ZNF804A: variants seen among roughly 807,000 people sequenced by gnomAD.
The protein encoded by ZNF804A is zinc finger protein 804A.
In ZNF804A, 2 loss-of-function variants were observed where a neutral mutation model predicts 16.5. The ratio of observed to expected loss-of-function variants is 0.12; its 90% CI spans 0.05 to 0.38. ZNF804A has a LOEUF of 0.38. ZNF804A is among the 10% of genes least tolerant of loss of function. The pLI is 0.99. For synonymous variants in ZNF804A, 534 were observed against 489.6 expected, an observed-to-expected ratio of 1.09 and a Z score of -1.20; for missense variants, 1,473 against 1,390.7, an observed-to-expected ratio of 1.06 and a Z score of -0.94.
chr2:184,770,308 T>C (rs1347195109), intron 1 of ZNF804A, among the ~76,000 whole-genome samples: 1 of 152,100 alleles, frequency 6.6e-6, no homozygotes, highest in African/African-American at 2.4e-5. Flanking sequence ...TACTATAAAA[T>C]ACATATTATA....
At chr2:184,797,984 A>G (rs1170554507) in intron 1 of ZNF804A, among the ~76,000 whole-genome samples, 1 of 149,494 alleles carries the variant, frequency 6.7e-6, no homozygotes, top group African/African-American at 2.5e-5. Context: ...GTTTCAGTGT[A>G]TACAAAATTC....
intron 1 of ZNF804A, among the ~76,000 whole-genome samples, chr2:184,657,430 A>G (rs1045135782): frequency 5.9e-5 from 9 of 152,076 alleles, no homozygotes; most frequent in South Asian, 2.1e-4. Context: ...TTAATTGTCA[A>G]TGTTTCAGGA....
chr2:184,888,943 TATA>T (rs766057458), intron 2 of ZNF804A, among the ~76,000 whole-genome samples: 14 of 152,130 alleles, frequency 9.2e-5, no homozygotes, highest in South Asian at 2.1e-4. Context: ...TGTATGTGTG[TATA>T]ATAAGTTTGT....
At chr2:184,791,646 A>T (rs1007852171) in intron 1 of ZNF804A, among the ~76,000 whole-genome samples, 1 of 152,140 alleles carries the variant, frequency 6.6e-6, no homozygotes, top group Non-Finnish European at 1.5e-5. Flanking sequence ...CAATGTTCCA[A>T]ACCAGTGTTA....
At chr2:184,602,526 C>A (rs1032569038) in intron 1 of ZNF804A, among the ~76,000 whole-genome samples, 2 of 151,768 alleles carry the variant, frequency 1.3e-5, no homozygotes, top group Admixed American at 1.3e-4. Flanking sequence ...TTGGTACATC[C>A]TTTTTGGAAT....
chr2:184,937,148 G>A lies in ZNF804A; in HGVS notation c.1752G>A (p.Glu584=). 6.2e-7 allele frequency: 1 copy of A among 1,604,394 alleles called. No homozygotes were observed. Among genetic ancestry groups the A allele is most frequent in the Non-Finnish European group, 8.5e-7 (1 of 1,177,722 alleles). The change falls in exon 4 of 4, where the codon GAG becomes GAA. Residue 584 remains glutamate (E), a synonymous_variant. Transcript: ENST00000302277. ...DEKYNKIRLK[E]THEYWFHKSR... ...AATACAACAAAATAAGGTTGAAAGA[G>A]ACCCATGAATACTGGTTCCATAAAA...
At chr2:184,646,569 C>T (rs919817209) in intron 1 of ZNF804A, among the ~76,000 whole-genome samples, 3 of 152,180 alleles carry the variant, frequency 2.0e-5, no homozygotes, top group Non-Finnish European at 4.4e-5. Context: ...AGCAGATCTC[C>T]AGGAATTCAG....
intron 1 of ZNF804A, among the ~76,000 whole-genome samples, chr2:184,668,053 T>C (rs1692278606): frequency 6.6e-6 from 1 of 151,754 alleles, no homozygotes; most frequent in Non-Finnish European, 1.5e-5. Context: ...CTTTACAAAA[T>C]AAGGGCTCCA....
At chr2:184,842,008 A>G (rs562079301) in intron 1 of ZNF804A, among the ~76,000 whole-genome samples, 7 of 152,310 alleles carry the variant, frequency 4.6e-5, no homozygotes, top group Admixed American at 1.3e-4. Flanking sequence ...CAAAGCTGAG[A>G]TAATTTGAAT....
At chr2:184,883,339 G>T (rs1286228018) in intron 2 of ZNF804A, among the ~76,000 whole-genome samples, 1 of 151,858 alleles carries the variant, frequency 6.6e-6, no homozygotes, top group Non-Finnish European at 1.5e-5. Context: ...CACATTCTAT[G>T]AGACATATAA....
chr2:184,841,155 T>C (rs1695431680), intron 1 of ZNF804A, among the ~76,000 whole-genome samples: 2 of 152,132 alleles, frequency 1.3e-5, no homozygotes, highest in African/African-American at 2.4e-5. Flanking sequence ...GTCTTCTTTA[T>C]ACAAGCCCTA....
chr2:184,742,506 G>C (rs1693723743), intron 1 of ZNF804A, among the ~76,000 whole-genome samples: 1 of 151,932 alleles, frequency 6.6e-6, no homozygotes, highest in Non-Finnish European at 1.5e-5. Context: ...TCACCTGATA[G>C]AAAGAATAAG....
chr2:184,895,493 G>A (rs912891990), intron 2 of ZNF804A, among the ~76,000 whole-genome samples: 5 of 152,198 alleles, frequency 3.3e-5, no homozygotes, highest in Middle Eastern at 3.4e-3. Flanking sequence ...CACAAATCTG[G>A]CAACTAGGTG....
chr2:184,660,990 A>G (rs977216649), intron 1 of ZNF804A, among the ~76,000 whole-genome samples: 2 of 152,240 alleles, frequency 1.3e-5, no homozygotes, highest in African/African-American at 4.8e-5. Flanking sequence ...ATGAACTAAT[A>G]TGTTTTTCTA....
chr2:184,839,465 T>C (rs1036552125), intron 1 of ZNF804A, among the ~76,000 whole-genome samples: 2 of 152,122 alleles, frequency 1.3e-5, no homozygotes, highest in Admixed American at 6.6e-5. Flanking sequence ...TAAAGTAAAA[T>C]ATTAACTCAC....
At chr2:184,696,276 T>G (rs181001201) in intron 1 of ZNF804A, among the ~76,000 whole-genome samples, 2 of 152,256 alleles carry the variant, frequency 1.3e-5, no homozygotes, top group Admixed American at 1.3e-4. Context: ...CATTATGTGT[T>G]AAGGAAAGTT....
chr2:184,829,180 CTTA>C (rs1340698742), intron 1 of ZNF804A, among the ~76,000 whole-genome samples: 3 of 151,560 alleles, frequency 2.0e-5, no homozygotes, highest in Non-Finnish European at 4.4e-5. Context: ...ATATACATCA[CTTA>C]TTATATAGAG....
At chr2:184,663,746 A>G (rs533196345) in intron 1 of ZNF804A, among the ~76,000 whole-genome samples, 105 of 152,298 alleles carry the variant, frequency 6.9e-4, no homozygotes, top group African/African-American at 2.4e-3. Context: ...TGAAGCCCAT[A>G]AAAACTCAGG....
chr2:184,924,648 G>C (rs1349949756), intron 2 of ZNF804A, among the ~76,000 whole-genome samples: 2 of 151,068 alleles, frequency 1.3e-5, no homozygotes, highest in African/African-American at 4.9e-5. Context: ...GAATTCTTAG[G>C]TTATTTGAAG....
Sources: allele counts gnomAD v4.1 joint callset (sites outside exome capture counted in the v4.1 genomes callset), GRCh38; gene constraint gnomAD v4.1.1; transcripts MANE v1.5; gene names NCBI Gene and HGNC (gene_info 2026-07-23, HGNC 2026-07-21).